BCAS3: variants seen among roughly 807,000 people sequenced by gnomAD.
The protein encoded by BCAS3 is BCAS3 microtubule associated cell migration factor.
Under a neutral mutation model 116.1 loss-of-function variants are expected in BCAS3, and 53 were observed. The observed-to-expected ratio is 0.46, with a 90% confidence interval of 0.37 to 0.57. The LOEUF (loss-of-function observed/expected upper bound fraction) is 0.57, where lower values mean the gene tolerates loss of function less well. Among genes scored for constraint, BCAS3 ranks in the 20% least tolerant of loss-of-function variants. BCAS3 has a pLI of 0.00. For missense variants in BCAS3, 917 were observed against 1,165.4 expected, an observed-to-expected ratio of 0.79 and a Z score of 3.10; for synonymous variants, 391 against 408.2, an observed-to-expected ratio of 0.96 and a Z score of 0.51.
At chr17:61,334,962 C>T (rs2056606074) in intron 22 of BCAS3, among the ~76,000 whole-genome samples, 1 of 152,178 alleles carries the variant, frequency 6.6e-6, no homozygotes, top group South Asian at 2.1e-4. Context: ...CCTGAACCTG[C>T]CTGAGGACTG....
At chr17:60,744,393 A>G (rs2041858897) in intron 5 of BCAS3, among the ~76,000 whole-genome samples, 1 of 152,216 alleles carries the variant, frequency 6.6e-6, no homozygotes. Flanking sequence ...CATAATGTAT[A>G]AAATTATTAT....
intron 22 of BCAS3, among the ~76,000 whole-genome samples, chr17:61,291,794 G>A (rs1328660017): frequency 6.6e-6 from 1 of 152,208 alleles, no homozygotes; most frequent in Non-Finnish European, 1.5e-5. Context: ...AAAGTGGGCT[G>A]ATGGTGGTTG....
intron 22 of BCAS3, among the ~76,000 whole-genome samples, chr17:61,163,535 A>G (rs1242340956): frequency 6.6e-6 from 1 of 152,184 alleles, no homozygotes; most frequent in Non-Finnish European, 1.5e-5. Flanking sequence ...CTGAATGACC[A>G]AGATACTTTA....
chr17:61,148,570 AT>A (rs2077371925), intron 22 of BCAS3, among the ~76,000 whole-genome samples: 2 of 152,196 alleles, frequency 1.3e-5, no homozygotes, highest in South Asian at 2.1e-4. Context: ...GGAAATTCAC[AT>A]TTTTATGGAT....
chr17:60,725,666 T>C (rs1276267520), intron 5 of BCAS3, among the ~76,000 whole-genome samples: 1 of 152,162 alleles, frequency 6.6e-6, no homozygotes, highest in Non-Finnish European at 1.5e-5. Context: ...GAGATACTGC[T>C]ACACATCCTA....
chr17:60,878,318 C>T (rs927787695), intron 9 of BCAS3, among the ~76,000 whole-genome samples: 2 of 151,978 alleles, frequency 1.3e-5, no homozygotes, highest in African/African-American at 4.8e-5. Context: ...CCAGTAATGT[C>T]TTTGAGGAAA....
At chr17:61,177,253 A>T (rs2144150292) in intron 22 of BCAS3, among the ~76,000 whole-genome samples, 1 of 152,360 alleles carries the variant, frequency 6.6e-6, no homozygotes, top group East Asian at 1.9e-4. Flanking sequence ...CCGTACATGA[A>T]AGTTTAGTAT....
Position 61,356,677 on chromosome 17 carries a change from A to G in BCAS3, c.2426-11650A>G, listed in dbSNP as rs1264588083. On this transcript the variant is annotated intron_variant, in intron 22 of 23. Transcript: ENST00000407086. The surrounding 1 kb of genome is among the most constrained non-coding windows in gnomAD (Gnocchi z 5.4). ...TGTAGGCAGGGGAGACAAAGAGGAC[A>G]GGTAAAGGGACTTGATTTTAAAATC... 6.6e-6 allele frequency among the ~76,000 whole-genome samples: 1 copy of G among 152,248 alleles called. No individual in the cohort carries two copies. The highest frequency in any genetic ancestry group is 1.5e-5 in the Non-Finnish European group (1 of 68,048).
chr17:60,992,283 C>T (rs1029377962), intron 15 of BCAS3, among the ~76,000 whole-genome samples: 12 of 151,358 alleles, frequency 7.9e-5, no homozygotes, highest in Admixed American at 5.3e-4. Flanking sequence ...ATGTTTTCCT[C>T]GGGACTTTTG....
chr17:60,879,515 C>T (rs2055919826), intron 9 of BCAS3, among the ~76,000 whole-genome samples: 2 of 152,074 alleles, frequency 1.3e-5, no homozygotes, highest in Non-Finnish European at 2.9e-5. Context: ...AAGAAAAAGT[C>T]GCCTTGAGCA....
rs1338289731 is a variant in BCAS3 at position 61,130,220 on chromosome 17, A to G, written c.2425+45656A>G. Reference sequence around the variant, plus strand: ...AAATTTACTGTAAACACTTTTTTATACGTCTCATGCTTATTAATACTTAAT... The same window carrying G: ...AAATTTACTGTAAACACTTTTTTATGCGTCTCATGCTTATTAATACTTAAT... On this transcript the variant is annotated intron_variant, in intron 22 of 23. Coordinates refer to ENST00000407086, the MANE Select transcript of BCAS3 (RefSeq NM_017679.5). This position sits in a 1 kb window ranked among gnomAD's most constrained non-coding sequence, Gnocchi z 5.0. Among the ~76,000 whole-genome samples, 1 of 152,228 alleles carries G rather than the reference A, an allele frequency of 6.6e-6. No homozygotes were observed. The highest frequency in any genetic ancestry group is 1.5e-5 in the Non-Finnish European group (1 of 68,040).
rs1482441485 is a variant in BCAS3 at position 61,105,235 on chromosome 17, T to C, written c.2425+20671T>C. ...CAGCCCAGTTTTCCACTCAGGTGGTTTACCCCAAAACCTGGCCTTTGCTTT... is the reference window on the plus strand; with the variant it reads ...CAGCCCAGTTTTCCACTCAGGTGGTCTACCCCAAAACCTGGCCTTTGCTTT... On this transcript the variant is annotated intron_variant, in intron 22 of 23. Transcript: ENST00000407086. The surrounding 1 kb of genome is among the most constrained non-coding windows in gnomAD (Gnocchi z 4.3). Among the ~76,000 whole-genome samples the C allele has an allele frequency of 6.6e-6, 1 of 152,322 alleles. No individual in the cohort carries two copies. Among genetic ancestry groups the C allele is most frequent in the African/African-American group, 2.4e-5 (1 of 41,570 alleles).
chr17:60,919,419 A>G (rs1221182697), intron 12 of BCAS3, among the ~76,000 whole-genome samples: 1 of 152,028 alleles, frequency 6.6e-6, no homozygotes, highest in Non-Finnish European at 1.5e-5. Flanking sequence ...TCTGCCTCCC[A>G]GGTTTAAGTG....
At chr17:60,706,688 G>A (rs1458130578) in intron 4 of BCAS3, among the ~76,000 whole-genome samples, 1 of 151,970 alleles carries the variant, frequency 6.6e-6, no homozygotes, top group African/African-American at 2.4e-5. Flanking sequence ...AGCCAGGCGT[G>A]GTGGAGACTA....
chr17:60,746,058 T>G (rs935116621), intron 5 of BCAS3, among the ~76,000 whole-genome samples: 1 of 152,118 alleles, frequency 6.6e-6, no homozygotes, highest in Non-Finnish European at 1.5e-5. Flanking sequence ...CAGGCAGTTA[T>G]TTAAAAAAAT....
chr17:61,237,581 G>A (rs992619923), intron 22 of BCAS3, among the ~76,000 whole-genome samples: 4 of 152,278 alleles, frequency 2.6e-5, no homozygotes, highest in South Asian at 2.1e-4. Context: ...CACTCACCTC[G>A]AAGGTCCGCA....
rs917206608 is a variant in BCAS3, at chr17:61,118,453, C to A, written c.2425+33889C>A. ...ATCCAGACTCCCCATTTGTCCTGCA[C>A]CAAAACTGCACGTGTGTGTTAGGAG... is the stretch of plus-strand genomic sequence containing the variant. On this transcript the variant is annotated intron_variant, in intron 22 of 23. Transcript: ENST00000407086. The surrounding 1 kb of genome is among the most constrained non-coding windows in gnomAD (Gnocchi z 5.0). Among the ~76,000 whole-genome samples the A allele has an allele frequency of 4.6e-5, 7 of 152,164 alleles. No individual in the cohort carries two copies. The highest frequency in any genetic ancestry group is 4.6e-4 in the Admixed American group (7 of 15,286).
At position 61,248,413 on chromosome 17, in the gene BCAS3, C is replaced by A. The variant is rs2048137892; in HGVS notation, c.2426-119914C>A. ...TAAAGGACCATTCCTATGATTATTG[C>A]AACCCATTTCTCAGGTCTTTCAAAG... On this transcript the variant is annotated intron_variant, in intron 22 of 23. Transcript: ENST00000407086. The surrounding 1 kb of genome is among the most constrained non-coding windows in gnomAD (Gnocchi z 4.3). Among the ~76,000 whole-genome samples, 1 of 152,056 alleles carries A rather than the reference C, an allele frequency of 6.6e-6. No individual in the cohort carries two copies. Among genetic ancestry groups the A allele is most frequent in the South Asian group, 2.1e-4 (1 of 4,822 alleles).
chr17:60,900,677 C>T (rs1282404416), intron 10 of BCAS3, among the ~76,000 whole-genome samples: 1 of 151,738 alleles, frequency 6.6e-6, no homozygotes, highest in African/African-American at 2.4e-5. Context: ...CAAATGATAA[C>T]GTATATATGC....
Sources: allele counts gnomAD v4.1 joint callset (sites outside exome capture counted in the v4.1 genomes callset), GRCh38; gene constraint gnomAD v4.1.1; non-coding constraint Gnocchi (gnomAD v3.1); transcripts MANE v1.5; gene names NCBI Gene and HGNC (gene_info 2026-07-23, HGNC 2026-07-21).